CTNNA3: variants seen among roughly 807,000 people sequenced by gnomAD.
CTNNA3 encodes the protein catenin alpha-3.
A neutral mutation model predicts 95.7 loss-of-function variants in CTNNA3; 76 were observed. The observed-to-expected ratio is 0.79, with a 90% confidence interval of 0.66 to 0.96. The LOEUF (loss-of-function observed/expected upper bound fraction) is 0.96, where lower values mean the gene tolerates loss of function less well. CTNNA3 is among the 40% of genes least tolerant of loss of function. The pLI is 0.00. For missense variants in CTNNA3, 1,191 were observed against 1,089.8 expected, an observed-to-expected ratio of 1.09 and a Z score of -1.31; for synonymous variants, 431 against 374.4, an observed-to-expected ratio of 1.15 and a Z score of -1.74.
intron 7 of CTNNA3, among the ~76,000 whole-genome samples, chr10:66,995,509 T>TAA (rs1851278546): frequency 2.0e-5 from 3 of 152,214 alleles, no homozygotes; most frequent in Admixed American, 1.3e-4. Flanking sequence ...ACGAAGCAGA[T>TAA]AAAGTTACCC....
chr10:67,335,327 A>C (rs868570919), intron 5 of CTNNA3, among the ~76,000 whole-genome samples: 1 of 152,216 alleles, frequency 6.6e-6, no homozygotes, highest in South Asian at 2.1e-4. Flanking sequence ...AGCCACCCAC[A>C]ACCCTGAACA....
At chr10:66,231,036 C>A (rs539202678) in intron 13 of CTNNA3, among the ~76,000 whole-genome samples, 3 of 152,104 alleles carry the variant, frequency 2.0e-5, no homozygotes, top group Non-Finnish European at 4.4e-5. Flanking sequence ...TGGGGCCATG[C>A]TGTGGCAGCT....
chr10:66,434,417 G>A (rs542871192), intron 11 of CTNNA3, among the ~76,000 whole-genome samples: 6 of 152,238 alleles, frequency 3.9e-5, no homozygotes, highest in African/African-American at 1.4e-4. Context: ...TTGTGAATAG[G>A]AGTTCTCTCA....
rs1362039482 is a variant in CTNNA3, at chr10:67,461,455, G to C, written c.579+60387C>G. Among the ~76,000 whole-genome samples, 5 of 151,982 alleles carry C rather than the reference G, an allele frequency of 3.3e-5. No homozygotes were observed. The South Asian group carries it at 1.0e-3, about 32-fold the overall frequency. ...TGAAAAGGAACCACAGTAAGATAAA[G>C]AAAAGTGAAAAATTGTCAATGTTCA... On this transcript the variant is annotated intron_variant, in intron 5 of 17. Transcript: ENST00000433211.
chr10:66,227,096 C>T (rs1207160669), intron 13 of CTNNA3, among the ~76,000 whole-genome samples: 1 of 152,052 alleles, frequency 6.6e-6, no homozygotes, highest in Non-Finnish European at 1.5e-5. Context: ...AACTCCTGAG[C>T]TCAAGTGATC....
intron 7 of CTNNA3, among the ~76,000 whole-genome samples, chr10:67,126,393 G>A (rs895714175): frequency 2.6e-5 from 4 of 151,652 alleles, no homozygotes; most frequent in East Asian, 3.9e-4. Flanking sequence ...TGGGCGTGGC[G>A]GCGCGTGCCT....
intron 13 of CTNNA3, among the ~76,000 whole-genome samples, chr10:66,139,778 G>T (rs1335731266): frequency 1.3e-5 from 2 of 152,166 alleles, no homozygotes; most frequent in Non-Finnish European, 2.9e-5. Flanking sequence ...AGGCAGACAG[G>T]CCTGTAGTTT....
intron 1 of CTNNA3, among the ~76,000 whole-genome samples, chr10:67,667,918 C>G (rs983177349): frequency 6.6e-6 from 1 of 152,132 alleles, no homozygotes; most frequent in Non-Finnish European, 1.5e-5. Flanking sequence ...ACCCACTATT[C>G]AGAATAAAAC....
intron 10 of CTNNA3, among the ~76,000 whole-genome samples, chr10:66,536,179 C>CAG (rs1254945028): frequency 6.8e-6 from 1 of 147,046 alleles, no homozygotes; most frequent in South Asian, 2.2e-4. Context: ...CAGAGAGAGA[C>CAG]AGAGAGAGAG....
At chr10:66,368,078 A>G (rs1169464723) in intron 12 of CTNNA3, among the ~76,000 whole-genome samples, 1 of 151,004 alleles carries the variant, frequency 6.6e-6, no homozygotes, top group African/African-American at 2.4e-5. Context: ...TGTTTTTCCC[A>G]TCTCTTGTTT....
intron 5 of CTNNA3, among the ~76,000 whole-genome samples, chr10:67,331,853 T>C (rs2616702): frequency 0.89 from 134,959 of 152,210 alleles, 60,998 homozygotes; most frequent in East Asian, 1. Context: ...TCAAACATAA[T>C]GTCTTCCCAG....
chr10:67,048,073 G>A (rs1436715154), intron 7 of CTNNA3, among the ~76,000 whole-genome samples: 1 of 151,990 alleles, frequency 6.6e-6, no homozygotes, highest in African/African-American at 2.4e-5. Flanking sequence ...TCTCTAAATA[G>A]TCTAGAACAA....
chr10:67,178,420 C>T (rs746309486), intron 7 of CTNNA3, among the ~76,000 whole-genome samples: 6 of 151,960 alleles, frequency 3.9e-5, no homozygotes, highest in Non-Finnish European at 7.4e-5. Flanking sequence ...TTTATAAGTA[C>T]CTCTATACTC....
At chr10:67,606,798 T>C (rs1843289483) in intron 3 of CTNNA3, 59 bp downstream of exon 3, 4 of 1,302,982 alleles carry the variant, frequency 3.1e-6, no homozygotes, top group Non-Finnish European at 4.3e-6. Flanking sequence ...AAATCTAATT[T>C]GGGTGACTAA....
chr10:66,276,195 GAGT>G (rs1297274259), intron 13 of CTNNA3, among the ~76,000 whole-genome samples: 1 of 151,470 alleles, frequency 6.6e-6, no homozygotes. Flanking sequence ...ATGCAAACTT[GAGT>G]TATGGACCTG....
At chr10:66,154,358 T>G (rs1017429178) in intron 13 of CTNNA3, among the ~76,000 whole-genome samples, 2 of 151,768 alleles carry the variant, frequency 1.3e-5, no homozygotes, top group African/African-American at 2.4e-5. Context: ...TAGAGTAAAA[T>G]ATACCTACTA....
chr10:66,451,477 T>A (rs1400369585), intron 11 of CTNNA3, among the ~76,000 whole-genome samples: 2 of 152,122 alleles, frequency 1.3e-5, no homozygotes, highest in Non-Finnish European at 2.9e-5. Flanking sequence ...TAAAAACGTA[T>A]CTTTCAGATG....
chr10:66,872,778 G>A (rs1050839916), intron 7 of CTNNA3, among the ~76,000 whole-genome samples: 1 of 152,024 alleles, frequency 6.6e-6, no homozygotes, highest in Admixed American at 6.6e-5. Context: ...TCTAGGGTGT[G>A]GATATTCCTG....
chr10:66,823,006 G>A (rs949251219), intron 7 of CTNNA3, among the ~76,000 whole-genome samples: 8 of 152,188 alleles, frequency 5.3e-5, no homozygotes, highest in African/African-American at 1.9e-4. Flanking sequence ...GGCATACTGA[G>A]AAGACAACTA....
Sources: allele counts gnomAD v4.1 joint callset (sites outside exome capture counted in the v4.1 genomes callset), GRCh38; gene constraint gnomAD v4.1.1; transcripts MANE v1.5; gene names NCBI Gene and HGNC (gene_info 2026-07-23, HGNC 2026-07-21).